Variants in KCNK2 observed in about 807,000 individuals in gnomAD.
KCNK2 encodes potassium channel subfamily K member 2.
In KCNK2, 21 loss-of-function variants were observed where a neutral mutation model predicts 40.5. The ratio of observed to expected loss-of-function variants is 0.52; its 90% CI spans 0.37 to 0.75. The LOEUF (loss-of-function observed/expected upper bound fraction) is 0.75. KCNK2 is among the 30% of genes least tolerant of loss of function. KCNK2 has a pLI of 0.00. For synonymous variants in KCNK2, 191 were observed against 202.2 expected (o/e 0.94, Z 0.47); for missense variants, 399 against 531.6 (o/e 0.75, Z 2.45).
chr1:215,080,925 A>G (rs560543453), upstream of KCNK2, among the ~76,000 whole-genome samples: 3 of 152,324 alleles, frequency 2.0e-5, no homozygotes, highest in South Asian at 4.1e-4. Context: ...CATCTACAGT[A>G]AGACTTCAAA....
chr1:215,114,636 A>G (rs1209862449), intron 2 of KCNK2, among the ~76,000 whole-genome samples: 1 of 152,168 alleles, frequency 6.6e-6, no homozygotes, highest in Non-Finnish European at 1.5e-5. Flanking sequence ...GAAGTTATAT[A>G]TTATTTTTGC....
chr1:215,006,162 C>A (rs1390701796), intron 1 of KCNK2, among the ~76,000 whole-genome samples: 1 of 152,030 alleles, frequency 6.6e-6, no homozygotes, highest in Admixed American at 6.6e-5. Flanking sequence ...CACGTTAATT[C>A]GGTCATGTTT....
intron 2 of KCNK2, among the ~76,000 whole-genome samples, chr1:215,093,383 A>C (rs1267014257): frequency 7.2e-6 from 1 of 138,250 alleles, no homozygotes; most frequent in African/African-American, 2.7e-5. Flanking sequence ...TAAAATATAC[A>C]TATAATATAC....
intron 1 of KCNK2, among the ~76,000 whole-genome samples, chr1:215,007,029 A>ATATATATGTGTGTGTGTG (rs1553254670): frequency 4.7e-4 from 32 of 68,432 alleles, no homozygotes; most frequent in East Asian, 1.2e-3. Flanking sequence ...ATATATATAT[A>ATATATATGTGTGTGTGTG]TATATATATG....
intron 3 of KCNK2, among the ~76,000 whole-genome samples, chr1:215,162,430 TC>T (rs1186998371): frequency 2.6e-5 from 4 of 152,206 alleles, no homozygotes; most frequent in Non-Finnish European, 5.9e-5. Flanking sequence ...TTTAATTAAA[TC>T]CCGTTTGTCA....
intron 6 of KCNK2, among the ~76,000 whole-genome samples, chr1:215,199,578 A>T (rs1665000292): frequency 6.6e-6 from 1 of 152,120 alleles, no homozygotes; most frequent in African/African-American, 2.4e-5. Flanking sequence ...CATTTCTGTA[A>T]AAGCATTTCT....
chr1:215,062,360 T>C (rs1248775236), intron 1 of KCNK2, among the ~76,000 whole-genome samples: 1 of 152,036 alleles, frequency 6.6e-6, no homozygotes, highest in Non-Finnish European at 1.5e-5. Flanking sequence ...CCATTTCAGA[T>C]ATGAAGAAGG....
At chr1:215,007,485 C>T (rs899813625) in intron 1 of KCNK2, among the ~76,000 whole-genome samples, 3 of 151,732 alleles carry the variant, frequency 2.0e-5, no homozygotes, top group Non-Finnish European at 4.4e-5. Context: ...AGAAGAGAAA[C>T]AAGAGGTATG....
rs372929365 is a variant in KCNK2, at chr1:215,199,999, C to T, written c.963+4907C>T. ...ACATATGAGATAAACACCACTGCGG[C>T]CCACACCATAGCATGCTAGTGTTGT... On this transcript the variant is annotated intron_variant, in intron 6 of 6. Coordinates refer to ENST00000444842, the MANE Select transcript of KCNK2 (RefSeq NM_001017425.3). Among the ~76,000 whole-genome samples, 36 of 152,278 alleles carry T rather than the reference C, an allele frequency of 2.4e-4. 1 individual carries two copies. Among genetic ancestry groups the T allele is most frequent in the African/African-American group, 8.2e-4 (34 of 41,566 alleles).
chr1:215,231,264 TTA>T (rs1666653783), intron 6 of KCNK2, among the ~76,000 whole-genome samples: 1 of 152,144 alleles, frequency 6.6e-6, no homozygotes, highest in Admixed American at 6.5e-5. Flanking sequence ...AATGCAAAGG[TTA>T]TACCTAAGTG....
intron 1 of KCNK2, among the ~76,000 whole-genome samples, chr1:215,077,198 A>G (rs1658975091): frequency 6.6e-6 from 1 of 152,208 alleles, no homozygotes; most frequent in Non-Finnish European, 1.5e-5. Context: ...ACAATCAGGG[A>G]TGAGTCTCAT....
intron 2 of KCNK2, among the ~76,000 whole-genome samples, chr1:215,087,082 A>G (rs1161172776): frequency 6.6e-6 from 1 of 152,212 alleles, no homozygotes; most frequent in Non-Finnish European, 1.5e-5. Context: ...ACTGAGAAAC[A>G]TTGCTGTGGC....
At chr1:215,202,734 A>T (rs1446324379) in intron 6 of KCNK2, among the ~76,000 whole-genome samples, 1 of 152,210 alleles carries the variant, frequency 6.6e-6, no homozygotes, top group East Asian at 1.9e-4. Flanking sequence ...TGAGAGAATG[A>T]TGTAAAATGC....
At chr1:215,206,391 C>T (rs1331348674) in intron 6 of KCNK2, among the ~76,000 whole-genome samples, 1 of 152,068 alleles carries the variant, frequency 6.6e-6, no homozygotes, top group Non-Finnish European at 1.5e-5. Flanking sequence ...ATCACAGTCT[C>T]ACATGATTCA....
chr1:215,083,668 T>A, intron 1 of KCNK2: 1 of 596,502 alleles, frequency 1.7e-6, no homozygotes, highest in Middle Eastern at 4.5e-4. Flanking sequence ...GCCTGAGGTA[T>A]GGGTTTGGAA....
intron 2 of KCNK2, among the ~76,000 whole-genome samples, chr1:215,088,491 T>C (rs1014067400): frequency 3.3e-5 from 5 of 152,084 alleles, no homozygotes; most frequent in African/African-American, 1.2e-4. Flanking sequence ...TTTTCCTCTC[T>C]TGTCCCTTCA....
chr1:215,171,783 C>T (rs1006833794), intron 4 of KCNK2, among the ~76,000 whole-genome samples: 2 of 151,862 alleles, frequency 1.3e-5, no homozygotes, highest in Non-Finnish European at 2.9e-5. Flanking sequence ...ATTGATGATA[C>T]CTAATTTTCA....
At chr1:215,052,565 C>T (rs376331436) in intron 1 of KCNK2, among the ~76,000 whole-genome samples, 8 of 152,122 alleles carry the variant, frequency 5.3e-5, no homozygotes, top group East Asian at 1.9e-4. Context: ...AATGTATGCT[C>T]ACATTTTTTG....
chr1:215,112,505 C>T lies in KCNK2; in HGVS notation c.358-12128C>T, dbSNP rs566864029. On this transcript the variant is annotated intron_variant, in intron 2 of 6. Transcript: ENST00000444842. ...GTGAAAAATTTACAATTAGCTAAGGCTAATTTGTTATTGAAGAAAGTTAGT... is the reference window on the plus strand; with the variant it reads ...GTGAAAAATTTACAATTAGCTAAGGTTAATTTGTTATTGAAGAAAGTTAGT... 9.9e-5 allele frequency among the ~76,000 whole-genome samples: 15 copies of T among 152,052 alleles called. No homozygotes were observed. In the South Asian group the frequency reaches 3.1e-3, roughly 32 times the overall value.
Sources: allele counts gnomAD v4.1 joint callset (sites outside exome capture counted in the v4.1 genomes callset), GRCh38; gene constraint gnomAD v4.1.1; transcripts MANE v1.5; gene names NCBI Gene and HGNC (gene_info 2026-07-23, HGNC 2026-07-21).